Variants in CDH18 observed in about 807,000 individuals in gnomAD.
The protein encoded by CDH18 is cadherin-18.
CDH18 carries 31 observed loss-of-function variants against 67.9 expected under a neutral mutation model. The ratio of observed to expected loss-of-function variants is 0.46; its 90% CI spans 0.34 to 0.62. The LOEUF (loss-of-function observed/expected upper bound fraction) is 0.62, where lower values mean the gene tolerates loss of function less well. CDH18 is among the 20% of genes least tolerant of loss of function. The probability of loss-of-function intolerance (pLI) is 0.01; values close to 1 mark genes in which losing one functional copy is unlikely to be tolerated. For synonymous variants in CDH18, 362 were observed against 347.2 expected (o/e 1.04, Z -0.48); for missense variants, 890 against 975.5 (o/e 0.91, Z 1.17).
intron 2 of CDH18, among the ~76,000 whole-genome samples, chr5:20,054,309 A>G (rs976808780): frequency 6.6e-6 from 1 of 152,164 alleles, no homozygotes. Context: ...ATTTTCTTAG[A>G]TAAAGGATTC....
At chr5:19,786,982 A>C (rs1775864400) in intron 3 of CDH18, among the ~76,000 whole-genome samples, 2 of 152,148 alleles carry the variant, frequency 1.3e-5, no homozygotes, top group Non-Finnish European at 2.9e-5. Context: ...CAAAGAAAGA[A>C]ATGAGAGAGG....
intron 8 of CDH18, among the ~76,000 whole-genome samples, chr5:19,545,567 G>A (rs1293867151): frequency 6.6e-6 from 1 of 152,164 alleles, no homozygotes; most frequent in African/African-American, 2.4e-5. Flanking sequence ...GGAAAAAAGT[G>A]TACAACATAC....
Position 19,623,804 on chromosome 5 carries a change from C to G in CDH18, c.644-11203G>C, listed in dbSNP as rs567747717. 5.3e-5 allele frequency among the ~76,000 whole-genome samples: 8 copies of G among 151,074 alleles called. No individual in the cohort carries two copies. In the East Asian group the frequency reaches 1.6e-3, roughly 29 times the overall value. ...ATAAGTATATACATATATCAATGACCATCTAGTTCCATTAGTAATGATATA... is the reference window on the plus strand; with the variant it reads ...ATAAGTATATACATATATCAATGACGATCTAGTTCCATTAGTAATGATATA... On this transcript the variant is annotated intron_variant, in intron 5 of 12. Coordinates refer to ENST00000382275, the MANE Select transcript of CDH18 (RefSeq NM_004934.5).
intron 7 of CDH18, 44 bp downstream of exon 7, chr5:19,591,013 A>C (rs1745029230): frequency 7.9e-7 from 1 of 1,272,870 alleles, no homozygotes; most frequent in East Asian, 2.4e-5. Context: ...ATTCAGGAAA[A>C]GATGAGTGAG....
At chr5:19,595,879 C>T (rs181879446) in intron 6 of CDH18, among the ~76,000 whole-genome samples, 20 of 152,332 alleles carry the variant, frequency 1.3e-4, no homozygotes, top group Admixed American at 1.3e-3. Flanking sequence ...GTTCAACCAA[C>T]ATATCTTTTC....
chr5:20,237,666 TTAAA>T (rs1229183057), intron 2 of CDH18, among the ~76,000 whole-genome samples: 1 of 151,860 alleles, frequency 6.6e-6, no homozygotes, highest in East Asian at 1.9e-4. Context: ...TAAATAACAC[TTAAA>T]TAAAATGAGA....
chr5:20,163,054 T>C (rs1282611865), intron 2 of CDH18, among the ~76,000 whole-genome samples: 1 of 114,012 alleles, frequency 8.8e-6, no homozygotes, highest in Non-Finnish European at 1.8e-5. Flanking sequence ...AGCAAAACTG[T>C]CTCTAAATAA....
chr5:19,559,152 T>C (rs1183347954), intron 8 of CDH18, among the ~76,000 whole-genome samples: 1 of 152,188 alleles, frequency 6.6e-6, no homozygotes, highest in Non-Finnish European at 1.5e-5. Context: ...AGCTTTTTGT[T>C]TCATTTATCT....
At chr5:20,117,804 G>A (rs1465793299) in intron 2 of CDH18, among the ~76,000 whole-genome samples, 1 of 152,126 alleles carries the variant, frequency 6.6e-6, no homozygotes, top group Non-Finnish European at 1.5e-5. Flanking sequence ...TGAAAACACT[G>A]AAGTATTTTT....
chr5:19,950,410 T>C (rs1157701785), intron 2 of CDH18, among the ~76,000 whole-genome samples: 2 of 151,940 alleles, frequency 1.3e-5, no homozygotes, highest in Non-Finnish European at 2.9e-5. Context: ...AAATTGTACA[T>C]CAGGTAGGTG....
intron 1 of CDH18, among the ~76,000 whole-genome samples, chr5:20,259,993 G>T (rs541432544): frequency 1.9e-4 from 29 of 151,848 alleles, no homozygotes; most frequent in African/African-American, 7.0e-4. Context: ...ATTGAGGTGC[G>T]ACTGCACAAC....
intron 2 of CDH18, among the ~76,000 whole-genome samples, chr5:19,902,849 T>C (rs1194358217): frequency 6.6e-6 from 1 of 152,140 alleles, no homozygotes; most frequent in African/African-American, 2.4e-5. Flanking sequence ...ATCTATATCT[T>C]GCAAGGTAAT....
At chr5:19,863,191 G>A (rs577420983) in intron 2 of CDH18, among the ~76,000 whole-genome samples, 1 of 152,146 alleles carries the variant, frequency 6.6e-6, no homozygotes, top group South Asian at 2.1e-4. Flanking sequence ...GTGAGAGCGG[G>A]ATAAACTATG....
intron 2 of CDH18, among the ~76,000 whole-genome samples, chr5:19,923,028 A>G (rs1156504089): frequency 6.6e-6 from 1 of 152,080 alleles, no homozygotes; most frequent in African/African-American, 2.4e-5. Flanking sequence ...TGTACCATCT[A>G]TTTCTATCCG....
intron 2 of CDH18, among the ~76,000 whole-genome samples, chr5:19,962,698 C>T (rs777990918): frequency 5.3e-5 from 8 of 152,026 alleles, no homozygotes; most frequent in Non-Finnish European, 1.0e-4. Flanking sequence ...ATCTATTGAA[C>T]CTGGGAGGCG....
intron 6 of CDH18, among the ~76,000 whole-genome samples, chr5:19,598,381 A>C (rs1328291433): frequency 1.3e-5 from 2 of 152,154 alleles, no homozygotes; most frequent in Non-Finnish European, 2.9e-5. Flanking sequence ...GGTCATCTCC[A>C]ACTTTACGCT....
chr5:19,842,443 C>A (rs748216612), intron 2 of CDH18, among the ~76,000 whole-genome samples: 1 of 152,142 alleles, frequency 6.6e-6, no homozygotes, highest in Admixed American at 6.5e-5. Context: ...TCACTCTGCA[C>A]TTCTCTCTCC....
intron 2 of CDH18, among the ~76,000 whole-genome samples, chr5:19,897,089 A>T (rs530327542): frequency 1.2e-4 from 19 of 152,274 alleles, no homozygotes; most frequent in African/African-American, 4.3e-4. Context: ...TTAAGGTAAA[A>T]TATATTAAAC....
chr5:19,972,547 T>C (rs1396991673), intron 2 of CDH18, among the ~76,000 whole-genome samples: 1 of 143,668 alleles, frequency 7.0e-6, no homozygotes, highest in Non-Finnish European at 1.5e-5. Context: ...TCTTTCAAAT[T>C]TTACTGTAGT....
Sources: allele counts gnomAD v4.1 joint callset (sites outside exome capture counted in the v4.1 genomes callset), GRCh38; gene constraint gnomAD v4.1.1; transcripts MANE v1.5; gene names NCBI Gene and HGNC (gene_info 2026-07-23, HGNC 2026-07-21).